Variants in PSD2 observed in about 807,000 individuals in gnomAD.
PSD2 encodes the protein pleckstrin and Sec7 domain containing 2, also known as PH and SEC7 domain-containing protein 2.
In PSD2, 38 loss-of-function variants were observed where a neutral mutation model predicts 69.8. The ratio of observed to expected loss-of-function variants is 0.54; its 90% CI spans 0.42 to 0.71. The LOEUF (loss-of-function observed/expected upper bound fraction) is 0.71, where lower values mean the gene tolerates loss of function less well. Among genes scored for constraint, PSD2 ranks in the 30% least tolerant of loss-of-function variants. The probability of loss-of-function intolerance (pLI) is 0.00; values close to 1 mark genes in which losing one functional copy is unlikely to be tolerated. For missense variants in PSD2, 943 were observed against 1,014.5 expected (o/e 0.93, Z 0.96); for synonymous variants, 412 against 423.0 (o/e 0.97, Z 0.32).
the PSD2 span, among the ~76,000 whole-genome samples, chr5:139,768,273 CAAGAA>C: frequency 6.6e-6 from 1 of 152,280 alleles, no homozygotes; most frequent in East Asian, 1.9e-4. Context: ...CCAGACAGGC[CAAGAA>C]AAGAGGACCT....
intron 1 of PSD2, among the ~76,000 whole-genome samples, chr5:139,804,325 C>T (rs940504031): frequency 6.6e-6 from 1 of 152,152 alleles, no homozygotes; most frequent in Non-Finnish European, 1.5e-5. Flanking sequence ...GCCAAGTAAC[C>T]CTCATGGAGC....
chr5:139,833,882 C>G, intron 8 of PSD2, 91 bp downstream of exon 8: 1 of 987,392 alleles, frequency 1.0e-6, no homozygotes, highest in South Asian at 1.3e-5. Flanking sequence ...CCTGGCATTC[C>G]AGGCCGTTAA....
the PSD2 span, chr5:139,742,697 T>C: frequency 6.5e-6 from 1 of 152,892 alleles, no homozygotes; most frequent in African/African-American, 2.4e-5. Flanking sequence ...TGCATGAGGA[T>C]GTGTGCAGGT....
chr5:139,744,235 C>CA, the PSD2 span, among the ~76,000 whole-genome samples: 2 of 152,176 alleles, frequency 1.3e-5, no homozygotes, highest in Non-Finnish European at 2.9e-5. Context: ...CTCATAACAA[C>CA]ATAAGCTAGA....
At chr5:139,818,927 A>T (rs770074036) in intron 5 of PSD2, among the ~76,000 whole-genome samples, 2 of 152,188 alleles carry the variant, frequency 1.3e-5, no homozygotes, top group African/African-American at 4.8e-5. Context: ...TGAATTATCC[A>T]TCTTTTCCAT....
chr5:139,816,697 C>T (rs1433675539), intron 4 of PSD2, among the ~76,000 whole-genome samples: 3 of 152,212 alleles, frequency 2.0e-5, no homozygotes, highest in Admixed American at 1.3e-4. Flanking sequence ...GACAACACAC[C>T]CCACCTCTGG....
At chr5:139,749,555 G>C in the PSD2 span, among the ~76,000 whole-genome samples, 1 of 152,204 alleles carries the variant, frequency 6.6e-6, no homozygotes, top group Non-Finnish European at 1.5e-5. Flanking sequence ...AAATAATGGG[G>C]AAACTGAGGC....
chr5:139,816,030 A>G (rs956410513), intron 4 of PSD2, among the ~76,000 whole-genome samples: 4 of 151,758 alleles, frequency 2.6e-5, no homozygotes, highest in African/African-American at 7.3e-5. Context: ...AATTTCAAAC[A>G]AACACGAAAG....
At chr5:139,806,705 A>G (rs1443817220) in intron 1 of PSD2, among the ~76,000 whole-genome samples, 1 of 152,202 alleles carries the variant, frequency 6.6e-6, no homozygotes, top group Non-Finnish European at 1.5e-5. Context: ...GAGTCCCAGG[A>G]CACATAGCAG....
Position 139,837,514 on chromosome 5 carries a change from G to T in PSD2, c.1666-111G>T. 3 of 1,184,684 alleles carry T rather than the reference G, an allele frequency of 2.5e-6. No homozygotes were observed. The highest frequency in any genetic ancestry group is 3.6e-6 in the Non-Finnish European group (3 of 839,904). 73.4% of individuals were successfully genotyped at this position (1,184,684 alleles called of 1,614,324 possible). Reference sequence around the variant, plus strand: ...GATTCTTGTTGGGGTGGGTGAGGCAGCAGGAACAGAAAATTAAGGGAGCCG... The same window carrying T: ...GATTCTTGTTGGGGTGGGTGAGGCATCAGGAACAGAAAATTAAGGGAGCCG... On this transcript the variant is annotated intron_variant, in intron 11 of 14. Transcript: ENST00000274710. This position sits in a 1 kb window ranked among gnomAD's most constrained non-coding sequence, Gnocchi z 5.0.
At chr5:139,822,577 A>C (rs1760298300) in intron 6 of PSD2, 149 bp from the exon 7 acceptor site, 2 of 581,436 alleles carry the variant, frequency 3.4e-6, no homozygotes, top group Non-Finnish European at 5.9e-6. Flanking sequence ...GCAGACCTGG[A>C]GCGTCACACA....
the PSD2 span, among the ~76,000 whole-genome samples, chr5:139,759,333 TGGC>T: frequency 6.6e-6 from 1 of 152,022 alleles, no homozygotes; most frequent in South Asian, 2.1e-4. Flanking sequence ...TACTTCTGCT[TGGC>T]GGCGCCTCGT....
intron 7 of PSD2, among the ~76,000 whole-genome samples, chr5:139,823,450 C>T (rs1282323285): frequency 6.6e-6 from 1 of 152,192 alleles, no homozygotes; most frequent in Non-Finnish European, 1.5e-5. Context: ...GGTTGGAGCC[C>T]CCTGCTAGGT....
chr5:139,764,457 G>A, the PSD2 span, among the ~76,000 whole-genome samples: 1 of 152,156 alleles, frequency 6.6e-6, no homozygotes, highest in Admixed American at 6.5e-5. Flanking sequence ...TCCGTGTCCC[G>A]GGGGTCTGGC....
intron 6 of PSD2, among the ~76,000 whole-genome samples, 165 bp downstream of exon 6, chr5:139,822,170 A>G (rs1284333826): frequency 6.6e-6 from 1 of 152,204 alleles, no homozygotes; most frequent in Non-Finnish European, 1.5e-5. Context: ...TGAATAAGCT[A>G]TGGCACACGG....
chr5:139,787,119 A>G, the PSD2 span, among the ~76,000 whole-genome samples: 2 of 152,220 alleles, frequency 1.3e-5, no homozygotes, highest in East Asian at 1.9e-4. Context: ...GGCTGAGCAC[A>G]TGGAGGGCAC....
the PSD2 span, among the ~76,000 whole-genome samples, chr5:139,748,209 C>G: frequency 6.6e-6 from 1 of 151,494 alleles, no homozygotes; most frequent in Non-Finnish European, 1.5e-5. Flanking sequence ...ACCTACCCAG[C>G]CAGACACGGT....
the PSD2 span, among the ~76,000 whole-genome samples, chr5:139,771,989 C>T: frequency 1.3e-5 from 2 of 152,172 alleles, no homozygotes; most frequent in Non-Finnish European, 2.9e-5. Context: ...AGCACCCTTC[C>T]CCAGCCAGGT....
chr5:139,760,505 C>T, the PSD2 span, among the ~76,000 whole-genome samples: 1 of 152,340 alleles, frequency 6.6e-6, no homozygotes, highest in South Asian at 2.1e-4. Flanking sequence ...AACCTGGCTC[C>T]TGGTGCCACC....
Sources: gnomAD v4.1 joint callset for allele counts (sites outside exome capture counted in the v4.1 genomes callset) on GRCh38, gnomAD v4.1.1 for gene constraint, Gnocchi (gnomAD v3.1) non-coding constraint, MANE v1.5 for transcripts, NCBI Gene and HGNC (gene_info 2026-07-23, HGNC 2026-07-21) for gene names.